HSPA4: variants seen among roughly 807,000 people sequenced by gnomAD.
HSPA4 encodes the protein heat shock 70 kDa protein 4.
A neutral mutation model predicts 106.2 loss-of-function variants in HSPA4; 25 were observed. That is an observed-to-expected ratio of 0.24 (90% confidence interval 0.17 to 0.33). The LOEUF is 0.33. Among genes scored for constraint, HSPA4 ranks in the 10% least tolerant of loss-of-function variants. The pLI, the probability that HSPA4 is intolerant of heterozygous loss-of-function variation, is 1.00. For missense variants in HSPA4, 841 were observed against 996.0 expected (o/e 0.84, Z 2.10); for synonymous variants, 332 against 333.6 (o/e 1.00, Z 0.05).
intron 4 of HSPA4, among the ~76,000 whole-genome samples, chr5:133,071,284 CAAAAAAAAAA>C (rs755520266): frequency 1.1e-4 from 7 of 62,092 alleles, no homozygotes; most frequent in South Asian, 1.2e-3. Flanking sequence ...CTGTCTTTAC[CAAAAAAAAAA>C]AAAAAAAAAA....
At chr5:133,088,956 G>A in intron 9 of HSPA4, 99 bp from the exon 10 acceptor site, 1 of 578,070 alleles carries the variant, frequency 1.7e-6, no homozygotes, top group East Asian at 2.9e-5. Context: ...ATTTTAAAAA[G>A]ACCATTGATT....
chr5:133,076,305 T>C (rs1765445526), intron 6 of HSPA4: 1 of 242,918 alleles, frequency 4.1e-6, no homozygotes. Flanking sequence ...ATATTTTACC[T>C]TGGACATGTA....
chr5:133,064,133 T>C (rs1453799685), intron 1 of HSPA4, among the ~76,000 whole-genome samples: 1 of 152,220 alleles, frequency 6.6e-6, no homozygotes, highest in East Asian at 1.9e-4. Flanking sequence ...AAGCAGTAAA[T>C]GGATTAAATC....
chr5:133,072,161 C>T (rs1224583051), intron 4 of HSPA4, among the ~76,000 whole-genome samples: 1 of 152,070 alleles, frequency 6.6e-6, no homozygotes, highest in Non-Finnish European at 1.5e-5. Flanking sequence ...TGGTAATTTG[C>T]TTAGGAGGGT....
Position 133,068,000 on chromosome 5 carries a change from C to A in HSPA4, c.306+443C>A, listed in dbSNP as rs1765330194. Among the ~76,000 whole-genome samples the A allele has an allele frequency of 2.7e-5, 4 of 150,110 alleles. No individual in the cohort carries two copies. In the South Asian group the frequency reaches 8.4e-4, roughly 32 times the overall value. On this transcript the variant is annotated intron_variant, in intron 3 of 18. Transcript: ENST00000304858. ...CTCTGCCTCCTGGGTTCCAGCGATT[C>A]TCCTGCCTCAGCCTACCAAGTAGCT...
Position 133,052,210 on chromosome 5 carries a change from G to T in HSPA4, c.-41G>T. On this transcript the variant is annotated 5_prime_UTR_variant, in exon 1 of 19. Transcript: ENST00000304858. Reference sequence around the variant, plus strand: ...CGCCGGGGGTCCGTGTCCTGTCTCGGTGGCCGGACCCGGGCCCGAGCCCGA... The same window carrying T: ...CGCCGGGGGTCCGTGTCCTGTCTCGTTGGCCGGACCCGGGCCCGAGCCCGA... 1 of 1,418,938 alleles carries T rather than the reference G, an allele frequency of 7.0e-7. No individual in the cohort carries two copies. 87.9% of individuals were successfully genotyped at this position (1,418,938 alleles called of 1,614,324 possible).
intron 2 of HSPA4, 81 bp downstream of exon 2, chr5:133,065,118 G>A: frequency 8.6e-7 from 1 of 1,158,956 alleles, no homozygotes; most frequent in Non-Finnish European, 1.3e-6. Context: ...TGCCCATTAT[G>A]TGCCTAACAC....
At position 133,090,262 on chromosome 5, in the gene HSPA4, TA is replaced by T. The variant is rs1019867073; in HGVS notation, c.1378+574del. 4.1e-4 allele frequency among the ~76,000 whole-genome samples: 62 copies of T among 151,184 alleles called. 1 individual carries two copies. Among genetic ancestry groups the T allele is most frequent in the Admixed American group, 4.0e-4 (6 of 15,188 alleles). ...TAACATGGTGAAACCCCGTCTCTACTAAAAAAATACAAAAAAAAATTAGCCA... is the reference window on the plus strand; with the variant it reads ...TAACATGGTGAAACCCCGTCTCTACTAAAAAATACAAAAAAAAATTAGCCA... On this transcript the variant is annotated intron_variant, in intron 11 of 18. Transcript: ENST00000304858.
chr5:133,098,375 G>A (rs1327056724), intron 15 of HSPA4, among the ~76,000 whole-genome samples: 3 of 152,062 alleles, frequency 2.0e-5, no homozygotes, highest in Non-Finnish European at 2.9e-5. Flanking sequence ...GCGGTGACGC[G>A]ATCTTGGCTC....
intron 1 of HSPA4, among the ~76,000 whole-genome samples, chr5:133,058,298 C>T (rs1390359954): frequency 6.6e-6 from 1 of 152,166 alleles, no homozygotes; most frequent in Non-Finnish European, 1.5e-5. Context: ...GGGAGGATCA[C>T]TTGAGGTTAG....
At position 133,065,274 on chromosome 5, in the gene HSPA4, G is replaced by C. The variant is rs566370735; in HGVS notation, c.165+237G>C. Among the ~76,000 whole-genome samples the C allele has an allele frequency of 2.0e-5, 3 of 152,170 alleles. No individual in the cohort carries two copies. The East Asian group carries it at 5.8e-4, about 29-fold the overall frequency. On this transcript the variant is annotated intron_variant, in intron 2 of 18. Coordinates refer to ENST00000304858, the MANE Select transcript of HSPA4 (RefSeq NM_002154.4). ...ATTTTTGGGAAAAAATACAACACTGGAACAATAAAAAATACAAATGAAAAC... is the reference window on the plus strand; with the variant it reads ...ATTTTTGGGAAAAAATACAACACTGCAACAATAAAAAATACAAATGAAAAC...
At chr5:133,053,245 T>C (rs1214007063) in intron 1 of HSPA4, among the ~76,000 whole-genome samples, 2 of 152,140 alleles carry the variant, frequency 1.3e-5, no homozygotes, top group African/African-American at 4.8e-5. Context: ...TGAATACTTG[T>C]AGATACATTT....
At chr5:133,067,954 G>C (rs1765329694) in intron 3 of HSPA4, among the ~76,000 whole-genome samples, 1 of 150,068 alleles carries the variant, frequency 6.7e-6, no homozygotes, top group African/African-American at 2.5e-5. Flanking sequence ...GGGCAATGGT[G>C]TGATCTTGGC....
At chr5:133,084,768 C>A (rs1321570318) in intron 7 of HSPA4, among the ~76,000 whole-genome samples, 1 of 152,100 alleles carries the variant, frequency 6.6e-6, no homozygotes. Flanking sequence ...CCGCACCCAG[C>A]CTACTATTCT....
chr5:133,069,364 T>A (rs1765352888), intron 3 of HSPA4, among the ~76,000 whole-genome samples: 1 of 152,024 alleles, frequency 6.6e-6, no homozygotes, highest in Non-Finnish European at 1.5e-5. Context: ...ATTCTCATGC[T>A]TCAGTCTCCC....
intron 15 of HSPA4, among the ~76,000 whole-genome samples, chr5:133,098,345 T>A (rs995794358): frequency 1.3e-5 from 2 of 152,184 alleles, no homozygotes; most frequent in Non-Finnish European, 2.9e-5. Flanking sequence ...GGAGTCTCGC[T>A]CTGTCGCCCA....
chr5:133,070,337 TATA>T (rs966872594), intron 3 of HSPA4, 34 bp from the exon 4 acceptor site: 40 of 1,577,556 alleles, frequency 2.5e-5, no homozygotes, highest in Non-Finnish European at 3.1e-5. Context: ...AAGAAAGAAA[TATA>T]ATAAGTCTAG....
chr5:133,088,374 A>G, intron 8 of HSPA4, 30 bp from the exon 9 acceptor site: 1 of 1,471,810 alleles, frequency 6.8e-7, no homozygotes, highest in Non-Finnish European at 9.4e-7. Flanking sequence ...TCATTTCATT[A>G]AAAAAATCTG....
chr5:133,052,308 G>A lies in HSPA4; in HGVS notation c.58G>A (p.Ala20Thr). 1 of 1,591,436 alleles carries A rather than the reference G, an allele frequency of 6.3e-7. No individual in the cohort carries two copies. Among genetic ancestry groups the A allele is most frequent in the Admixed American group, 1.7e-5 (1 of 58,066 alleles). The stretch of plus-strand genomic sequence containing the variant: ...GAGCTGCTACGTCGCTGTGGCCCGC[G>A]CCGGCGGCATCGAGACTATCGCTAA... ...FQSCYVAVAR[A>T]GGIETIANEY... Residue 20 changes from alanine (A) to threonine (T), a missense_variant, in exon 1 of 19, where the codon GCC becomes ACC. Coordinates refer to ENST00000304858, the MANE Select transcript of HSPA4 (RefSeq NM_002154.4).
Sources: allele counts gnomAD v4.1 joint callset (sites outside exome capture counted in the v4.1 genomes callset), GRCh38; gene constraint gnomAD v4.1.1; transcripts MANE v1.5; gene names NCBI Gene and HGNC (gene_info 2026-07-23, HGNC 2026-07-21).